ARHGAP24: variants seen among roughly 807,000 people sequenced by gnomAD.
The protein encoded by ARHGAP24 is Rho GTPase activating protein 24, also known as rho GTPase-activating protein 24.
Under a neutral mutation model 76.4 loss-of-function variants are expected in ARHGAP24, and 50 were observed. That is an observed-to-expected ratio of 0.65 (90% CI 0.52 to 0.83). ARHGAP24 has a LOEUF of 0.83. Among genes scored for constraint, ARHGAP24 ranks in the 40% least tolerant of loss-of-function variants. The pLI, the probability that ARHGAP24 is intolerant of heterozygous loss-of-function variation, is 0.00. For synonymous variants in ARHGAP24, 345 were observed against 323.3 expected (o/e 1.07, Z -0.72); for missense variants, 930 against 914.2 (o/e 1.02, Z -0.22).
Position 85,519,675 on chromosome 4 carries a change from G to T in ARHGAP24, c.-21+44116G>T, listed in dbSNP as rs1027704243. Among the ~76,000 whole-genome samples the T allele has an allele frequency of 2.0e-5, 3 of 152,080 alleles. No individual in the cohort carries two copies. The East Asian group carries it at 5.8e-4, about 29-fold the overall frequency. On this transcript the variant is annotated intron_variant, in intron 1 of 9. Coordinates refer to ENST00000395184, the MANE Select transcript of ARHGAP24 (RefSeq NM_001025616.3). Reference sequence around the variant, plus strand: ...GGAAGCCCTTACAAAGCAGCAATTCGATTTTTCTAGAATCTGAAAATATTC... The same window carrying T: ...GGAAGCCCTTACAAAGCAGCAATTCTATTTTTCTAGAATCTGAAAATATTC...
At chr4:85,815,065 C>G (rs1352749043) in intron 3 of ARHGAP24, among the ~76,000 whole-genome samples, 2 of 152,178 alleles carry the variant, frequency 1.3e-5, no homozygotes, top group Non-Finnish European at 2.9e-5. Context: ...TGGCACCTTT[C>G]AGTCACAGCT....
intron 2 of ARHGAP24, among the ~76,000 whole-genome samples, chr4:85,706,888 T>C (rs1465339904): frequency 2.0e-5 from 3 of 152,008 alleles, no homozygotes; most frequent in African/African-American, 7.3e-5. Context: ...TTGAGATATA[T>C]TAAATGAACG....
chr4:85,831,929 C>T (rs1690028562), intron 3 of ARHGAP24, among the ~76,000 whole-genome samples: 2 of 150,242 alleles, frequency 1.3e-5, no homozygotes, highest in East Asian at 3.9e-4. Flanking sequence ...TCTCCTTTTC[C>T]TTTTCCTGCT....
intron 1 of ARHGAP24, among the ~76,000 whole-genome samples, chr4:85,564,432 A>G (rs1276045083): frequency 7.8e-6 from 1 of 128,774 alleles, no homozygotes; most frequent in Non-Finnish European, 1.7e-5. Context: ...TAGGAGATAT[A>G]CCTAATGTAA....
chr4:85,663,139 C>T, intron 2 of ARHGAP24, among the ~76,000 whole-genome samples: 1 of 151,502 alleles, frequency 6.6e-6, no homozygotes, highest in Non-Finnish European at 1.5e-5. Flanking sequence ...ATTGATTCTT[C>T]CTACCCATGA....
chr4:85,837,209 C>T (rs1730339106), intron 3 of ARHGAP24, among the ~76,000 whole-genome samples: 1 of 152,122 alleles, frequency 6.6e-6, no homozygotes, highest in Non-Finnish European at 1.5e-5. Flanking sequence ...TTCTTTTTTC[C>T]TACACTTGCT....
intron 3 of ARHGAP24, among the ~76,000 whole-genome samples, chr4:85,756,111 T>C (rs1299420230): frequency 2.6e-5 from 4 of 152,228 alleles, no homozygotes; most frequent in Non-Finnish European, 5.9e-5. Flanking sequence ...TATCAATGTA[T>C]GTATTGATGT....
At chr4:85,839,772 T>C (rs1730486016) in intron 3 of ARHGAP24, among the ~76,000 whole-genome samples, 1 of 151,282 alleles carries the variant, frequency 6.6e-6, no homozygotes. Context: ...CTCTGTTGAC[T>C]AAGCAAATGA....
intron 1 of ARHGAP24, among the ~76,000 whole-genome samples, chr4:85,517,938 G>A (rs977235093): frequency 6.6e-6 from 1 of 152,192 alleles, no homozygotes; most frequent in African/African-American, 2.4e-5. Context: ...TAAATTAGAA[G>A]GCAGAAGGGG....
intron 4 of ARHGAP24, among the ~76,000 whole-genome samples, chr4:85,930,080 GGAAGCA>G (rs1294057761): frequency 1.6e-4 from 25 of 152,214 alleles, no homozygotes; most frequent in Non-Finnish European, 3.4e-4. Flanking sequence ...GGCGGGCACT[GGAAGCA>G]GCCGCAGCCA....
At chr4:85,923,440 GT>G (rs1224446212) in intron 3 of ARHGAP24, among the ~76,000 whole-genome samples, 1 of 152,148 alleles carries the variant, frequency 6.6e-6, no homozygotes, top group East Asian at 1.9e-4. Context: ...AATGACATTT[GT>G]TCTCCAGCTT....
At chr4:85,839,691 C>T (rs967838288) in intron 3 of ARHGAP24, among the ~76,000 whole-genome samples, 1 of 151,926 alleles carries the variant, frequency 6.6e-6, no homozygotes, top group Non-Finnish European at 1.5e-5. Flanking sequence ...CCTCGTGATC[C>T]ACCCGCCTCA....
intron 3 of ARHGAP24, among the ~76,000 whole-genome samples, chr4:85,861,060 G>A (rs926309564): frequency 6.6e-6 from 1 of 150,570 alleles, no homozygotes; most frequent in African/African-American, 2.4e-5. Context: ...CACTTCACTA[G>A]ATTAAATGAT....
chr4:85,866,749 GC>G, intron 3 of ARHGAP24, among the ~76,000 whole-genome samples: 1 of 152,054 alleles, frequency 6.6e-6, no homozygotes, highest in African/African-American at 2.4e-5. Context: ...TGGTGGATTG[GC>G]CATGGAGACA....
chr4:85,684,104 A>G (rs936065761), intron 2 of ARHGAP24, among the ~76,000 whole-genome samples: 4 of 152,188 alleles, frequency 2.6e-5, no homozygotes, highest in African/African-American at 9.7e-5. Context: ...CAATTATTTG[A>G]GATAAGTACC....
intron 1 of ARHGAP24, among the ~76,000 whole-genome samples, chr4:85,503,328 C>G (rs1011115352): frequency 1.1e-4 from 17 of 152,132 alleles, no homozygotes; most frequent in Non-Finnish European, 5.9e-5. Context: ...TAGAATTCGG[C>G]TATAAATCCA....
At chr4:85,672,843 T>C (rs1394959962) in intron 2 of ARHGAP24, among the ~76,000 whole-genome samples, 1 of 152,226 alleles carries the variant, frequency 6.6e-6, no homozygotes, top group Non-Finnish European at 1.5e-5. Flanking sequence ...TGTAATTAAT[T>C]ATCTCCCCTG....
chr4:85,705,399 C>G (rs1724275239), intron 2 of ARHGAP24, among the ~76,000 whole-genome samples: 1 of 152,060 alleles, frequency 6.6e-6, no homozygotes, highest in African/African-American at 2.4e-5. Context: ...TCAATAATTA[C>G]TTGAATGAAT....
At chr4:85,726,931 G>A (rs1001003926) in intron 3 of ARHGAP24, among the ~76,000 whole-genome samples, 3 of 152,156 alleles carry the variant, frequency 2.0e-5, no homozygotes, top group African/African-American at 4.8e-5. Flanking sequence ...AATTTTGGGA[G>A]GCCGAGGTAG....
Sources: gnomAD v4.1 joint callset for allele counts (sites outside exome capture counted in the v4.1 genomes callset) on GRCh38, gnomAD v4.1.1 for gene constraint, MANE v1.5 for transcripts, NCBI Gene and HGNC (gene_info 2026-07-23, HGNC 2026-07-21) for gene names.